The following MARCHF1 variants were observed in gnomAD, a reference collection of about 807,000 sequenced individuals.
MARCHF1 encodes E3 ubiquitin-protein ligase MARCHF1.
In MARCHF1, 40 loss-of-function variants were observed where a neutral mutation model predicts 54.2. The ratio of observed to expected loss-of-function variants is 0.74; its 90% confidence interval spans 0.57 to 0.96. MARCHF1 has a LOEUF of 0.96. Among genes scored for constraint, MARCHF1 ranks in the 40% least tolerant of loss-of-function variants. The pLI is 0.00. For synonymous variants in MARCHF1, 236 were observed against 236.3 expected (o/e 1.00, Z 0.01); for missense variants, 586 against 656.5 (o/e 0.89, Z 1.17).
At chr4:163,835,442 T>C (rs188950356) in intron 4 of MARCHF1, among the ~76,000 whole-genome samples, 2 of 152,292 alleles carry the variant, frequency 1.3e-5, no homozygotes, top group African/African-American at 4.8e-5. Context: ...CAAGTGGAGG[T>C]GTAGACAGAC....
chr4:163,975,460 A>T (rs1203261222), intron 3 of MARCHF1, among the ~76,000 whole-genome samples: 1 of 152,126 alleles, frequency 6.6e-6, no homozygotes, highest in South Asian at 2.1e-4. Context: ...GATAAACTAT[A>T]AGGCAGCCTG....
chr4:164,358,177 C>T (rs1730617188), intron 1 of MARCHF1, among the ~76,000 whole-genome samples: 2 of 152,172 alleles, frequency 1.3e-5, no homozygotes, highest in Admixed American at 6.5e-5. Flanking sequence ...AAAGCCTCTT[C>T]TGCTAGGTAA....
intron 1 of MARCHF1, among the ~76,000 whole-genome samples, chr4:164,138,834 A>G: frequency 6.6e-6 from 1 of 152,184 alleles, no homozygotes; most frequent in East Asian, 1.9e-4. Flanking sequence ...TTGTGTAGGC[A>G]TGTAGGTATT....
chr4:164,195,715 C>T (rs1001126072), intron 1 of MARCHF1, among the ~76,000 whole-genome samples: 1 of 152,240 alleles, frequency 6.6e-6, no homozygotes, highest in Non-Finnish European at 1.5e-5. Flanking sequence ...TAAAGTTCTA[C>T]AAAGATAAGC....
At chr4:163,949,498 G>A (rs1177847730) in intron 3 of MARCHF1, among the ~76,000 whole-genome samples, 2 of 152,216 alleles carry the variant, frequency 1.3e-5, no homozygotes, top group South Asian at 2.1e-4. Context: ...GTGTCAGCTC[G>A]TTTGTGTTAC....
chr4:163,697,276 G>A (rs559838079), intron 5 of MARCHF1, among the ~76,000 whole-genome samples: 1 of 152,288 alleles, frequency 6.6e-6, no homozygotes, highest in South Asian at 2.1e-4. Context: ...TAGCTGTGTT[G>A]TTTGCAGTTC....
At chr4:164,327,969 C>T (rs886354194) in intron 1 of MARCHF1, among the ~76,000 whole-genome samples, 2 of 152,108 alleles carry the variant, frequency 1.3e-5, no homozygotes, top group East Asian at 1.9e-4. Context: ...AGCTAGGCTT[C>T]GCACCTGAGT....
intron 2 of MARCHF1, among the ~76,000 whole-genome samples, chr4:164,050,626 T>C (rs7671344): frequency 9.4e-4 from 143 of 152,306 alleles, no homozygotes; most frequent in African/African-American, 3.3e-3. Flanking sequence ...GCTGGACATG[T>C]GGCATGTCAG....
intron 5 of MARCHF1, among the ~76,000 whole-genome samples, chr4:163,653,081 G>A (rs1210528205): frequency 6.6e-6 from 1 of 151,644 alleles, no homozygotes; most frequent in Admixed American, 6.6e-5. Context: ...TGGAGTCATT[G>A]GTGATGGAGG....
chr4:163,783,987 G>T (rs1747542111), intron 4 of MARCHF1, among the ~76,000 whole-genome samples: 1 of 152,116 alleles, frequency 6.6e-6, no homozygotes, highest in African/African-American at 2.4e-5. Flanking sequence ...CCAGTTTGCA[G>T]TGTCTGCTTG....
chr4:163,837,003 T>G (rs1749208000), intron 4 of MARCHF1, among the ~76,000 whole-genome samples: 1 of 152,140 alleles, frequency 6.6e-6, no homozygotes, highest in African/African-American at 2.4e-5. Flanking sequence ...GCATTTTTTG[T>G]GAAAATTAAA....
intron 8 of MARCHF1, chr4:163,585,234 C>T (rs1200202347): frequency 1.3e-5 from 2 of 152,220 alleles, no homozygotes; most frequent in African/African-American, 4.8e-5. Context: ...TCTAATTACA[C>T]ATGTGCCATT....
At chr4:163,959,133 G>A (rs1034180358) in intron 3 of MARCHF1, among the ~76,000 whole-genome samples, 8 of 151,908 alleles carry the variant, frequency 5.3e-5, no homozygotes, top group Admixed American at 5.3e-4. Flanking sequence ...GAGAAGAGCT[G>A]TTTCTGCTGA....
intron 1 of MARCHF1, among the ~76,000 whole-genome samples, chr4:164,245,237 GCA>G (rs1001962682): frequency 1.3e-5 from 2 of 152,152 alleles, no homozygotes; most frequent in Non-Finnish European, 2.9e-5. Flanking sequence ...GAATCCAGCA[GCA>G]CATCAAAAAG....
At chr4:164,377,156 A>G (rs1454442432) in intron 1 of MARCHF1, among the ~76,000 whole-genome samples, 5 of 143,592 alleles carry the variant, frequency 3.5e-5, no homozygotes, top group Non-Finnish European at 4.6e-5. Flanking sequence ...CAAGTCACTC[A>G]AAAATAACAT....
chr4:164,367,329 T>C (rs951292036), intron 1 of MARCHF1, among the ~76,000 whole-genome samples: 27 of 152,090 alleles, frequency 1.8e-4, no homozygotes, highest in African/African-American at 5.5e-4. Context: ...TAAATATGTA[T>C]TTATCCATAC....
intron 4 of MARCHF1, among the ~76,000 whole-genome samples, chr4:163,734,856 A>T (rs1745987007): frequency 6.6e-6 from 1 of 152,204 alleles, no homozygotes; most frequent in Non-Finnish European, 1.5e-5. Flanking sequence ...CTTCAATAAA[A>T]TTATAAAAAT....
rs1168432796 is a variant in MARCHF1 at position 163,666,240 on chromosome 4, T to TA, written c.162+34572dup. On this transcript the variant is annotated intron_variant, in intron 5 of 9. Transcript: ENST00000514618. ...CATTTGATACTATCACGTGGTTTGA[T>TA]AAAGTTTTGACCTTGATAACATACG... is the stretch of plus-strand genomic sequence containing the variant. Among the ~76,000 whole-genome samples, 4 of 152,156 alleles carry TA rather than the reference T, an allele frequency of 2.6e-5. No individual in the cohort carries two copies. The East Asian group carries it at 7.7e-4, about 29-fold the overall frequency.
chr4:164,192,437 G>C (rs1240916410), intron 1 of MARCHF1, among the ~76,000 whole-genome samples: 1 of 152,160 alleles, frequency 6.6e-6, no homozygotes, highest in Admixed American at 6.6e-5. Context: ...CCTCATAAGA[G>C]AGTCAATCAT....
Sources: allele counts gnomAD v4.1 joint callset (sites outside exome capture counted in the v4.1 genomes callset), GRCh38; gene constraint gnomAD v4.1.1; transcripts MANE v1.5; gene names NCBI Gene and HGNC (gene_info 2026-07-23, HGNC 2026-07-21).